Variants in UGT1A7 observed in about 807,000 individuals in gnomAD.
The protein encoded by UGT1A7 is UDP glucuronosyltransferase family 1 member A7.
Under a neutral mutation model 45.6 loss-of-function variants are expected in UGT1A7, and 33 were observed. The observed-to-expected ratio is 0.72, with a 90% confidence interval of 0.55 to 0.97. The LOEUF is 0.97. Among genes scored for constraint, UGT1A7 ranks in the 50% least tolerant of loss-of-function variants. The pLI, the probability that UGT1A7 is intolerant of heterozygous loss-of-function variation, is 0.00. For missense variants in UGT1A7, 684 were observed against 666.2 expected, an observed-to-expected ratio of 1.03 and a Z score of -0.29; for synonymous variants, 274 against 250.6, an observed-to-expected ratio of 1.09 and a Z score of -0.88.
chr2:233,759,542 G>A (rs751549220), intron 1 of UGT1A7, among the ~76,000 whole-genome samples: 1 of 152,024 alleles, frequency 6.6e-6, no homozygotes, highest in Non-Finnish European at 1.5e-5. Flanking sequence ...GTTCACATGC[G>A]CTCCAGTGAA....
intron 1 of UGT1A7, among the ~76,000 whole-genome samples, chr2:233,714,209 C>A (rs1186715903): frequency 6.6e-6 from 1 of 152,132 alleles, no homozygotes; most frequent in Non-Finnish European, 1.5e-5. Flanking sequence ...ACTGATCCAT[C>A]CAATCTTGCT....
rs1692071385 is a variant in UGT1A7, at chr2:233,742,695, T to C, written c.856-24339T>C. 2.0e-5 allele frequency: 3 copies of C among 152,474 alleles called. 1 individual carries two copies. Among genetic ancestry groups the C allele is most frequent in the African/African-American group, 7.3e-5 (3 of 41,134 alleles). 9.4% of individuals were successfully genotyped at this position (152,474 alleles called of 1,614,324 possible). ...TTGTCCTCAGCCTTCAGAGGGAACA[T>C]GCTTCCACCGATTTCAGCTCAGTGA... is the stretch of plus-strand genomic sequence containing the variant. On this transcript the variant is annotated intron_variant, in intron 1 of 4. Coordinates refer to ENST00000373426, the MANE Select transcript of UGT1A7 (RefSeq NM_019077.3).
chr2:233,719,429 C>A, intron 1 of UGT1A7: 1 of 1,613,996 alleles, frequency 6.2e-7, no homozygotes, highest in Non-Finnish European at 8.5e-7. Context: ...CCAATTCAGA[C>A]CACATGACAT....
intron 1 of UGT1A7, chr2:233,691,475 C>T: frequency 4.1e-6 from 4 of 985,770 alleles, no homozygotes; most frequent in Non-Finnish European, 4.8e-6. Flanking sequence ...CCTCCGGTGC[C>T]AAACTTGTGG....
chr2:233,767,930 C>A lies in UGT1A7; in HGVS notation c.1069C>A (p.Leu357Met). The change falls in exon 3 of 5, where the codon CTG (leucine) becomes ATG (methionine). Residue 357 changes from leucine to methionine, a missense_variant. By Grantham distance (15) the Leu-to-Met change is conservative (BLOSUM62 2). Coordinates refer to ENST00000373426, the MANE Select transcript of UGT1A7 (RefSeq NM_019077.3). ...ILVKWLPQND[L>M]LGHPMTRAFI... ...TGTTAAGTGGCTACCCCAAAACGAT[C>A]TGCTTGGTATGTTGGGCGGATTGGA... The A allele has an allele frequency of 6.2e-7, 1 of 1,614,200 alleles. No individual in the cohort carries two copies. The highest frequency in any genetic ancestry group is 8.5e-7 in the Non-Finnish European group (1 of 1,180,054).
intron 1 of UGT1A7, among the ~76,000 whole-genome samples, chr2:233,699,498 C>T (rs899655583): frequency 6.6e-6 from 1 of 152,166 alleles, no homozygotes; most frequent in South Asian, 2.1e-4. Flanking sequence ...ACTTGTAATA[C>T]AAAGAACTGT....
rs2126030402 is a variant in UGT1A7 at position 233,767,100 on chromosome 2, G to A, written c.922G>A (p.Val308Ile). 1 of 1,614,092 alleles carries A rather than the reference G, an allele frequency of 6.2e-7. No homozygotes were observed. The highest frequency in any genetic ancestry group is 8.5e-7 in the Non-Finnish European group (1 of 1,180,010). Residue 308 changes from valine to isoleucine, a missense_variant, in exon 2 of 5, where the codon GTC (valine) becomes ATC (isoleucine). Val to Ile is a conservative substitution (Grantham distance 29). Coordinates refer to ENST00000373426, the MANE Select transcript of UGT1A7 (RefSeq NM_019077.3). ...TGTGGTTTTCTCTTTGGGATCAATGGTCTCAGAAATTCCAGAGAAGAAAGC... is the reference window on the plus strand; with the variant it reads ...TGTGGTTTTCTCTTTGGGATCAATGATCTCAGAAATTCCAGAGAAGAAAGC... The part of the protein sequence containing the change: ...GIVVFSLGSM[V>I]SEIPEKKAMA...
At position 233,769,774 on chromosome 2, in the gene UGT1A7, G is replaced by C; in HGVS notation, c.1295+1335G>C. The C allele has an allele frequency of 7.3e-7, 1 of 1,375,358 alleles. No homozygotes were observed. Among genetic ancestry groups the C allele is most frequent in the Non-Finnish European group, 9.5e-7 (1 of 1,052,824 alleles). 85.2% of individuals were successfully genotyped at this position (1,375,358 alleles called of 1,614,324 possible). ...GGAGGCTAAGGCGGGAGGATTGCTT[G>C]AGCCCAGAAGTTGGAGGCTGCTATG... On this transcript the variant is annotated intron_variant, in intron 4 of 4. Transcript: ENST00000373426. This position sits in a 1 kb window ranked among gnomAD's most constrained non-coding sequence, Gnocchi z 4.4.
chr2:233,752,764 A>C (rs1695055831), intron 1 of UGT1A7, among the ~76,000 whole-genome samples: 1 of 152,262 alleles, frequency 6.6e-6, no homozygotes, highest in Non-Finnish European at 1.5e-5. Flanking sequence ...CAAACAAACA[A>C]ACAAACAATA....
chr2:233,713,083 T>C, intron 1 of UGT1A7: 1 of 1,614,162 alleles, frequency 6.2e-7, no homozygotes, highest in Non-Finnish European at 8.5e-7. Context: ...AGTGGGAAGG[T>C]GCTGGTGGTG....
chr2:233,692,879 C>G, intron 1 of UGT1A7: 1 of 1,498,994 alleles, frequency 6.7e-7, no homozygotes, highest in African/African-American at 1.4e-5. Flanking sequence ...GGGTAAAATT[C>G]AGAGCAAGGG....
At chr2:233,767,269 G>C (rs1288837009) in intron 2 of UGT1A7, 104 bp downstream of exon 2, 10 of 1,582,566 alleles carry the variant, frequency 6.3e-6, no homozygotes, top group Non-Finnish European at 8.5e-7. Flanking sequence ...CTTAGATTTG[G>C]CTTTTCCCTG....
intron 1 of UGT1A7, among the ~76,000 whole-genome samples, chr2:233,711,237 C>T (rs1027973680): frequency 3.3e-5 from 5 of 152,218 alleles, no homozygotes; most frequent in African/African-American, 7.2e-5. Flanking sequence ...GAAGGCACCA[C>T]CATCTTCCAA....
At chr2:233,756,376 A>G (rs1276716775) in intron 1 of UGT1A7, 1 of 152,194 alleles carries the variant, frequency 6.6e-6, no homozygotes, top group Non-Finnish European at 1.5e-5. Flanking sequence ...ATGCTATGTA[A>G]ATAGTTGTTT....
rs1406835631 is a variant in UGT1A7 at position 233,768,368 on chromosome 2, G to T, written c.1224G>T (p.Val408=). The T allele has an allele frequency of 6.2e-7, 1 of 1,614,116 alleles. No individual in the cohort carries two copies. The highest frequency in any genetic ancestry group is 2.2e-5 in the East Asian group (1 of 44,876). Residue 408 remains valine, a synonymous_variant, in exon 4 of 5, where the codon GTG becomes GTT. Coordinates refer to ENST00000373426, the MANE Select transcript of UGT1A7 (RefSeq NM_019077.3). ...AKRMETKGAG[V]TLNVLEMTSE... ...GCATGGAGACTAAGGGAGCTGGAGT[G>T]ACCCTGAATGTTCTGGAAATGACTT...
chr2:233,736,596 G>A lies in UGT1A7; in HGVS notation c.856-30438G>A, dbSNP rs539240501. Among the ~76,000 whole-genome samples, 13 of 152,274 alleles carry A rather than the reference G, an allele frequency of 8.5e-5. No individual in the cohort carries two copies. The East Asian group carries it at 9.6e-4, about 11-fold the overall frequency. ...TCCTTTGGAGGAGATGTGCTTATGC[G>A]CTATGGTTTTTAGAATTTTCAGCTT... On this transcript the variant is annotated intron_variant, in intron 1 of 4. Transcript: ENST00000373426.
At chr2:233,718,929 G>C in intron 1 of UGT1A7, 1 of 1,614,160 alleles carries the variant, frequency 6.2e-7, no homozygotes, top group Non-Finnish European at 8.5e-7. Context: ...GGTGCCCACT[G>C]ATGGCAGCCC....
rs538474452 is a variant in UGT1A7, at chr2:233,688,348, T to C, written c.855+5556T>C. 2.6e-5 allele frequency among the ~76,000 whole-genome samples: 4 copies of C among 152,352 alleles called. No homozygotes were observed. In the South Asian group the frequency reaches 8.3e-4, roughly 32 times the overall value. ...TTGGGTTGTTTCCCATTTTCAGCCA[T>C]GAAAAATAATGTTGTTGTGAACATT... On this transcript the variant is annotated intron_variant, in intron 1 of 4. Coordinates refer to ENST00000373426, the MANE Select transcript of UGT1A7 (RefSeq NM_019077.3).
At chr2:233,727,846 T>C (rs1234756694) in intron 1 of UGT1A7, among the ~76,000 whole-genome samples, 1 of 152,150 alleles carries the variant, frequency 6.6e-6, no homozygotes, top group East Asian at 1.9e-4. Context: ...TGTGGAGTAA[T>C]TTCCTCCCTA....
Sources: allele counts gnomAD v4.1 joint callset (sites outside exome capture counted in the v4.1 genomes callset), GRCh38; gene constraint gnomAD v4.1.1; non-coding constraint Gnocchi (gnomAD v3.1); transcripts MANE v1.5; gene names NCBI Gene and HGNC (gene_info 2026-07-23, HGNC 2026-07-21).